The following LIN7C variants were observed in gnomAD, a reference collection of about 807,000 sequenced individuals.
The protein encoded by LIN7C is lin-7 cell polarity scaffold C.
A neutral mutation model predicts 24.7 loss-of-function variants in LIN7C; 17 were observed. That is an observed-to-expected ratio of 0.69 (90% confidence interval 0.47 to 1.03). LIN7C has a LOEUF of 1.03. Among genes scored for constraint, LIN7C ranks in the 50% least tolerant of loss-of-function variants. The probability of loss-of-function intolerance (pLI) is 0.00; values close to 1 mark genes in which losing one functional copy is unlikely to be tolerated. For missense variants in LIN7C, 204 were observed against 239.0 expected (o/e 0.85, Z 0.97); for synonymous variants, 90 against 83.4 (o/e 1.08, Z -0.43).
intron 2 of LIN7C, 74 bp downstream of exon 2, chr11:27,501,728 G>T: frequency 9.6e-7 from 1 of 1,042,760 alleles, no homozygotes; most frequent in Non-Finnish European, 1.4e-6. Flanking sequence ...CTTAAGAAAT[G>T]TTGAACCCAA....
rs1349883689 is a variant in LIN7C at position 27,495,378 on chromosome 11, G to C, written c.*3271C>G. ...AGCTACTCGGGAGGCTGAGGCAGGA[G>C]AATTGCTTGAACTGCCTTGAGGTGG... On this transcript the variant is annotated 3_prime_UTR_variant, in exon 5 of 5. Coordinates refer to ENST00000278193, the MANE Select transcript of LIN7C (RefSeq NM_018362.4). The C allele has an allele frequency of 6.6e-6, 1 of 152,132 alleles. No individual in the cohort carries two copies. 9.4% of individuals were successfully genotyped at this position (152,132 alleles called of 1,614,324 possible).
intron 1 of LIN7C, among the ~76,000 whole-genome samples, chr11:27,506,398 G>C (rs1290612553): frequency 6.6e-6 from 1 of 152,178 alleles, no homozygotes; most frequent in African/African-American, 2.4e-5. Context: ...TCGGGTGTAC[G>C]GGTCTCCGAA....
At chr11:27,500,361 A>C (rs1008101917) in intron 3 of LIN7C, among the ~76,000 whole-genome samples, 5 of 152,236 alleles carry the variant, frequency 3.3e-5, no homozygotes, top group Non-Finnish European at 7.3e-5. Flanking sequence ...TTTGTACTAT[A>C]TACTAAATAT....
chr11:27,496,966 G>A lies in LIN7C; in HGVS notation c.*1683C>T, dbSNP rs1012407835. ...TCTAATAATTTTACAATTAAATTAA[G>A]TCCATACTTCTATACTACTTTGGTC... On this transcript the variant is annotated 3_prime_UTR_variant, in exon 5 of 5. Coordinates refer to ENST00000278193, the MANE Select transcript of LIN7C (RefSeq NM_018362.4). 1.2e-4 allele frequency: 19 copies of A among 152,438 alleles called. No individual in the cohort carries two copies. Among genetic ancestry groups the A allele is most frequent in the African/African-American group, 4.3e-4 (18 of 41,418 alleles). 9.4% of individuals were successfully genotyped at this position (152,438 alleles called of 1,614,324 possible).
chr11:27,497,363 T>C lies in LIN7C; in HGVS notation c.*1286A>G, dbSNP rs985265749. The C allele has an allele frequency of 1.3e-5, 2 of 152,588 alleles. No individual in the cohort carries two copies. Among genetic ancestry groups the C allele is most frequent in the Admixed American group, 1.3e-4 (2 of 15,284 alleles). 9.5% of individuals were successfully genotyped at this position (152,588 alleles called of 1,614,324 possible). ...ATTTTTCTTAAAGTACAAATGTTCC[T>C]GTAAGTTGTAACAGAAAATGAACCC... On this transcript the variant is annotated 3_prime_UTR_variant, in exon 5 of 5. Transcript: ENST00000278193.
chr11:27,501,759 T>C (rs774991110), intron 2 of LIN7C, 43 bp downstream of exon 2: 1 of 1,274,578 alleles, frequency 7.8e-7, no homozygotes, highest in South Asian at 1.3e-5. Flanking sequence ...TTATCTGACC[T>C]AATTAACTCA....
At chr11:27,499,271 CAA>C in intron 4 of LIN7C, 86 bp downstream of exon 4, 1 of 1,081,824 alleles carries the variant, frequency 9.2e-7, no homozygotes, top group South Asian at 1.4e-5. Context: ...TTCTAAACCA[CAA>C]GTTTCTTAGG....
At chr11:27,504,352 A>G (rs912889990) in intron 1 of LIN7C, among the ~76,000 whole-genome samples, 1 of 152,212 alleles carries the variant, frequency 6.6e-6, no homozygotes, top group Non-Finnish European at 1.5e-5. Context: ...GACTAAATCT[A>G]AAATGTACCT....
chr11:27,503,028 G>A (rs1032455710), intron 1 of LIN7C, among the ~76,000 whole-genome samples: 1 of 152,112 alleles, frequency 6.6e-6, no homozygotes, highest in Non-Finnish European at 1.5e-5. Context: ...GGCAGGAGAA[G>A]CGCTTGATCC....
chr11:27,499,729 T>C (rs1865204233), intron 3 of LIN7C, among the ~76,000 whole-genome samples, 161 bp from the exon 4 acceptor site: 1 of 152,094 alleles, frequency 6.6e-6, no homozygotes, highest in Non-Finnish European at 1.5e-5. Context: ...TTCACGCCAT[T>C]CTCCTGCCTC....
rs1248959297 is a variant in LIN7C at position 27,494,838 on chromosome 11, A to G, written c.*3811T>C. On this transcript the variant is annotated 3_prime_UTR_variant, in exon 5 of 5. Transcript: ENST00000278193. ...TGAAGAAACACTACTAGCAAACTTT[A>G]GACAACAATTATAAAACCAGATTGT... 1 of 152,256 alleles carries G rather than the reference A, an allele frequency of 6.6e-6. No homozygotes were observed. The highest frequency in any genetic ancestry group is 6.5e-5 in the Admixed American group (1 of 15,282). 9.4% of individuals were successfully genotyped at this position (152,256 alleles called of 1,614,324 possible).
chr11:27,501,617 T>TGAAGTTAATATTTCAGGC, intron 2 of LIN7C, 51 bp from the exon 3 acceptor site: 1 of 1,021,544 alleles, frequency 9.8e-7, no homozygotes, highest in Non-Finnish European at 1.5e-6. Flanking sequence ...GAGTTCTCTG[T>TGAAGTTAATATTTCAGGC]GAAGTTAAAA....
At chr11:27,505,827 A>G (rs755918695) in intron 1 of LIN7C, among the ~76,000 whole-genome samples, 9 of 152,188 alleles carry the variant, frequency 5.9e-5, no homozygotes, top group Non-Finnish European at 1.3e-4. Context: ...ATTCCTATCA[A>G]TGATTTCTAA....
At chr11:27,500,301 T>C (rs1180534831) in intron 3 of LIN7C, among the ~76,000 whole-genome samples, 2 of 152,190 alleles carry the variant, frequency 1.3e-5, no homozygotes, top group African/African-American at 4.8e-5. Flanking sequence ...CCTACCTATA[T>C]AATCAACATG....
chr11:27,498,868 C>T, intron 4 of LIN7C, 64 bp from the exon 5 acceptor site: 3 of 1,404,694 alleles, frequency 2.1e-6, no homozygotes, highest in Non-Finnish European at 3.0e-6. Context: ...ACTCAAAATG[C>T]AAAAATGTTT....
In LIN7C at chr11:27,495,376, G is replaced by A. The variant is rs899982325; in HGVS notation, c.*3273C>T. 6.6e-6 allele frequency: 1 copy of A among 152,130 alleles called. No individual in the cohort carries two copies. The highest frequency in any genetic ancestry group is 1.5e-5 in the Non-Finnish European group (1 of 68,144). The allele number at this position is 152,130 out of a possible 1,614,324, so 9.4% of individuals were successfully genotyped here. The stretch of plus-strand genomic sequence containing the variant: ...CTAGCTACTCGGGAGGCTGAGGCAG[G>A]AGAATTGCTTGAACTGCCTTGAGGT... On this transcript the variant is annotated 3_prime_UTR_variant, in exon 5 of 5. Coordinates refer to ENST00000278193, the MANE Select transcript of LIN7C (RefSeq NM_018362.4).
chr11:27,500,340 C>A (rs1030489651), intron 3 of LIN7C, among the ~76,000 whole-genome samples: 1 of 152,130 alleles, frequency 6.6e-6, no homozygotes, highest in Non-Finnish European at 1.5e-5. Context: ...ATCATTTTGG[C>A]TTCTGTACTA....
chr11:27,501,041 A>G (rs987982520), intron 3 of LIN7C, among the ~76,000 whole-genome samples: 1 of 152,202 alleles, frequency 6.6e-6, no homozygotes, highest in Non-Finnish European at 1.5e-5. Flanking sequence ...TAAAGAAGAA[A>G]GCAAAAATCA....
intron 1 of LIN7C, among the ~76,000 whole-genome samples, chr11:27,504,900 G>A (rs1414139254): frequency 1.3e-5 from 2 of 152,184 alleles, no homozygotes; most frequent in East Asian, 3.8e-4. Context: ...TGGATATGGA[G>A]GGCTGACTGT....
Sources: allele counts gnomAD v4.1 joint callset (sites outside exome capture counted in the v4.1 genomes callset), GRCh38; gene constraint gnomAD v4.1.1; transcripts MANE v1.5; gene names NCBI Gene and HGNC (gene_info 2026-07-23, HGNC 2026-07-21).